STAMBPL1: variants seen among roughly 807,000 people sequenced by gnomAD.
The protein encoded by STAMBPL1 is STAM binding protein like 1.
In STAMBPL1, 44 loss-of-function variants were observed where a neutral mutation model predicts 52.9. The ratio of observed to expected loss-of-function variants is 0.83; its 90% CI spans 0.65 to 1.07. The LOEUF (loss-of-function observed/expected upper bound fraction) is 1.07, where lower values mean the gene tolerates loss of function less well. Among genes scored for constraint, STAMBPL1 ranks in the 50% least tolerant of loss-of-function variants. The probability of loss-of-function intolerance (pLI) is 0.00; values close to 1 mark genes in which losing one functional copy is unlikely to be tolerated. For synonymous variants in STAMBPL1, 164 were observed against 177.3 expected, an observed-to-expected ratio of 0.92 and a Z score of 0.60; for missense variants, 511 against 520.8, an observed-to-expected ratio of 0.98 and a Z score of 0.18.
chr10:88,918,444 T>C (rs1417264900), intron 8 of STAMBPL1, among the ~76,000 whole-genome samples: 2 of 152,142 alleles, frequency 1.3e-5, no homozygotes, highest in African/African-American at 2.4e-5. Context: ...CCAGATTTCC[T>C]CATTGACTGA....
intron 7 of STAMBPL1, 51 bp from the exon 8 acceptor site, chr10:88,916,627 ATT>A (rs201798892): frequency 2.7e-4 from 307 of 1,153,868 alleles, no homozygotes; most frequent in Admixed American, 5.8e-4. Context: ...CTGTTCAGTT[ATT>A]TTTTTTTTTT....
intron 1 of STAMBPL1, among the ~76,000 whole-genome samples, chr10:88,894,260 G>C (rs1257556908): frequency 6.6e-6 from 1 of 152,146 alleles, no homozygotes; most frequent in Non-Finnish European, 1.5e-5. Flanking sequence ...TAATCCCAAG[G>C]CTCAACTACC....
At chr10:88,919,907 C>A (rs1589380920) in intron 8 of STAMBPL1, among the ~76,000 whole-genome samples, 1 of 151,920 alleles carries the variant, frequency 6.6e-6, no homozygotes, top group East Asian at 1.9e-4. Flanking sequence ...GTGATCACAG[C>A]TCACTGCAGC....
chr10:88,895,022 A>C (rs34235599), intron 1 of STAMBPL1, among the ~76,000 whole-genome samples: 4 of 152,184 alleles, frequency 2.6e-5, no homozygotes. Context: ...TTATATAATA[A>C]CAATTTAGAA....
chr10:88,913,707 T>C (rs1845290815), intron 6 of STAMBPL1, among the ~76,000 whole-genome samples: 1 of 145,032 alleles, frequency 6.9e-6, no homozygotes, highest in African/African-American at 2.6e-5. Flanking sequence ...ATTTTGTCAT[T>C]GACAGAGGTT....
intron 1 of STAMBPL1, among the ~76,000 whole-genome samples, chr10:88,890,978 C>T (rs1049251731): frequency 6.6e-5 from 10 of 152,146 alleles, no homozygotes; most frequent in African/African-American, 2.2e-4. Context: ...CTAAGTGCCT[C>T]GTTTGGGCAG....
In STAMBPL1 at chr10:88,896,669, C is replaced by G. The variant is rs560714324; in HGVS notation, c.-53-4987C>G. Among the ~76,000 whole-genome samples, 13 of 152,228 alleles carry G rather than the reference C, an allele frequency of 8.5e-5. No homozygotes were observed. The East Asian group carries it at 1.4e-3, about 16-fold the overall frequency. On this transcript the variant is annotated intron_variant, in intron 1 of 10. Transcript: ENST00000371926. The stretch of plus-strand genomic sequence containing the variant: ...TAGGGCACTCAAGTCAAAAGAAGTG[C>G]CTGGGAGAAAATGGCACATTTGGGT...
intron 10 of STAMBPL1, 109 bp downstream of exon 10, chr10:88,922,545 C>A: frequency 1.1e-6 from 1 of 935,284 alleles, no homozygotes; most frequent in Non-Finnish European, 1.6e-6. Flanking sequence ...TACTGTACTG[C>A]TTAGTTTGGA....
At chr10:88,891,366 T>A (rs1844678663) in intron 1 of STAMBPL1, among the ~76,000 whole-genome samples, 1 of 152,084 alleles carries the variant, frequency 6.6e-6, no homozygotes, top group Admixed American at 6.5e-5. Context: ...AGCAAGAATG[T>A]CAGCTGAACT....
In STAMBPL1 at chr10:88,923,299, G is replaced by T. The variant is rs80093227; in HGVS notation, c.*75G>T. 13,709 of 1,511,904 alleles carry T rather than the reference G, an allele frequency of 9.1e-3. 182 individuals are homozygous for T. Among genetic ancestry groups the T allele is most frequent in the South Asian group, 0.047 (3,532 of 75,494 alleles). The allele number at this position is 1,511,904 out of a possible 1,614,324, so 93.7% of individuals were successfully genotyped here. The stretch of plus-strand genomic sequence containing the variant: ...TGTGGTTGCCGGATTTTCTTAAGAT[G>T]TTTCCAGAAATGACTGATATTTTAT... On this transcript the variant is annotated 3_prime_UTR_variant, in exon 11 of 11. Coordinates refer to ENST00000371926, the MANE Select transcript of STAMBPL1 (RefSeq NM_020799.4).
chr10:88,922,280 T>C, intron 9 of STAMBPL1, 57 bp from the exon 10 acceptor site: 2 of 1,530,382 alleles, frequency 1.3e-6, no homozygotes, highest in South Asian at 1.1e-5. Context: ...AAATAAAGCA[T>C]CTGGAATGCC....
Position 88,909,878 on chromosome 10 carries a change from G to T in STAMBPL1, c.325-1038G>T, listed in dbSNP as rs1002667049. Among the ~76,000 whole-genome samples, 3 of 152,182 alleles carry T rather than the reference G, an allele frequency of 2.0e-5. No individual in the cohort carries two copies. In the South Asian group the frequency reaches 6.2e-4, roughly 32 times the overall value. On this transcript the variant is annotated intron_variant, in intron 4 of 10. Transcript: ENST00000371926. ...TGCCTCCCAAAGTGTTAGGATTACA[G>T]GTGTGAGCCACCGCACCCAGCCAAC...
At chr10:88,892,357 T>C (rs977692348) in intron 1 of STAMBPL1, among the ~76,000 whole-genome samples, 5 of 141,868 alleles carry the variant, frequency 3.5e-5, no homozygotes, top group South Asian at 2.1e-4. Context: ...CGTGTGCGTG[T>C]GTGTGTGTGT....
chr10:88,913,726 G>C (rs561289226), intron 6 of STAMBPL1, among the ~76,000 whole-genome samples: 1 of 152,232 alleles, frequency 6.6e-6, no homozygotes, highest in Non-Finnish European at 1.5e-5. Flanking sequence ...TTTTAAATGA[G>C]AAGAATTTCA....
At chr10:88,886,528 T>A (rs1452188838) in intron 1 of STAMBPL1, among the ~76,000 whole-genome samples, 1 of 152,236 alleles carries the variant, frequency 6.6e-6, no homozygotes, top group Non-Finnish European at 1.5e-5. Flanking sequence ...TTTGGCTTTT[T>A]TTTTTAAACG....
intron 1 of STAMBPL1, among the ~76,000 whole-genome samples, chr10:88,897,450 A>G (rs773733179): frequency 4.6e-5 from 7 of 152,218 alleles, no homozygotes; most frequent in Non-Finnish European, 8.8e-5. Context: ...GGGGCTAGCA[A>G]TAAAAGCAAG....
chr10:88,882,537 T>C (rs1281864043), intron 1 of STAMBPL1: 2 of 152,222 alleles, frequency 1.3e-5, no homozygotes, highest in African/African-American at 4.8e-5. Context: ...AGAAAACTGA[T>C]GATTCTTGCC....
intron 4 of STAMBPL1, 94 bp downstream of exon 4, chr10:88,908,871 T>C: frequency 9.8e-7 from 1 of 1,018,622 alleles, no homozygotes. Flanking sequence ...TCTCTTTCTC[T>C]TGAGAGTTTG....
At chr10:88,916,920 T>C (rs1845386397) in intron 8 of STAMBPL1, 103 bp downstream of exon 8, 1 of 1,229,022 alleles carries the variant, frequency 8.1e-7, no homozygotes, top group Admixed American at 2.9e-5. Flanking sequence ...TTCTTTTTAA[T>C]TTTTTCAAAT....
Sources: allele counts gnomAD v4.1 joint callset (sites outside exome capture counted in the v4.1 genomes callset), GRCh38; gene constraint gnomAD v4.1.1; transcripts MANE v1.5; gene names NCBI Gene and HGNC (gene_info 2026-07-23, HGNC 2026-07-21).